Variants in GPC5 observed in about 807,000 individuals in gnomAD.
The protein encoded by GPC5 is glypican-5.
A neutral mutation model predicts 53.9 loss-of-function variants in GPC5; 47 were observed. The observed-to-expected ratio is 0.87, with a 90% CI of 0.69 to 1.11. The LOEUF is 1.11. Among genes scored for constraint, GPC5 ranks in the 50% most tolerant of loss-of-function variants. The pLI is 0.00. For missense variants in GPC5, 748 were observed against 713.1 expected (o/e 1.05, Z -0.56); for synonymous variants, 286 against 263.3 (o/e 1.09, Z -0.84).
intron 6 of GPC5, among the ~76,000 whole-genome samples, chr13:92,045,507 T>A (rs1331648103): frequency 6.6e-6 from 1 of 152,082 alleles, no homozygotes; most frequent in African/African-American, 2.4e-5. Flanking sequence ...AGAGGATGAT[T>A]TATCACACTG....
intron 2 of GPC5, among the ~76,000 whole-genome samples, chr13:91,576,206 A>G (rs893579656): frequency 6.6e-6 from 1 of 152,140 alleles, no homozygotes; most frequent in African/African-American, 2.4e-5. Context: ...AGCTATGACT[A>G]ATAGCAATGT....
chr13:92,143,954 A>G (rs945505854), intron 6 of GPC5, among the ~76,000 whole-genome samples: 1 of 152,176 alleles, frequency 6.6e-6, no homozygotes, highest in Non-Finnish European at 1.5e-5. Context: ...TTTTCATAAT[A>G]TACTAGTACC....
intron 1 of GPC5, among the ~76,000 whole-genome samples, chr13:91,442,751 T>A (rs1286098441): frequency 6.6e-6 from 1 of 151,346 alleles, no homozygotes; most frequent in Non-Finnish European, 1.5e-5. Flanking sequence ...TGGCAGGGAC[T>A]ATAGGAGGCA....
intron 2 of GPC5, among the ~76,000 whole-genome samples, chr13:91,611,082 G>A (rs914793506): frequency 4.6e-5 from 7 of 152,128 alleles, no homozygotes; most frequent in Admixed American, 1.3e-4. Flanking sequence ...TGTCAGATTA[G>A]TTAGAATGTT....
chr13:92,005,930 A>C (rs932931105), intron 6 of GPC5, among the ~76,000 whole-genome samples: 4 of 152,218 alleles, frequency 2.6e-5, no homozygotes, highest in Non-Finnish European at 5.9e-5. Flanking sequence ...AGCTAGGAGC[A>C]CTGTGTATTC....
intron 4 of GPC5, among the ~76,000 whole-genome samples, chr13:91,736,742 G>GA (rs1305635267): frequency 6.6e-6 from 1 of 151,078 alleles, no homozygotes. Context: ...AGTGTTAAAA[G>GA]AAAAAATTAC....
chr13:92,483,630 T>C (rs1232635583), intron 7 of GPC5, among the ~76,000 whole-genome samples: 1 of 151,512 alleles, frequency 6.6e-6, no homozygotes, highest in African/African-American at 2.4e-5. Context: ...AAATATTTCT[T>C]TTTCTTCAAT....
Position 91,562,532 on chromosome 13 carries a change from G to C in GPC5, c.325+113610G>C, listed in dbSNP as rs113992598. On this transcript the variant is annotated intron_variant, in intron 2 of 7. Coordinates refer to ENST00000377067, the MANE Select transcript of GPC5 (RefSeq NM_004466.6). ...AGGTTGGAGAGCAGTGAGGCTCACC[G>C]CAATCTCTGCGTCCCAGGTTTAAGT... 4.7e-3 allele frequency among the ~76,000 whole-genome samples: 714 copies of C among 151,824 alleles called. 4 individuals are homozygous for C. Among genetic ancestry groups the C allele is most frequent in the African/African-American group, 0.016 (681 of 41,392 alleles).
chr13:92,406,730 C>G (rs1310466043), intron 7 of GPC5, among the ~76,000 whole-genome samples: 2 of 152,148 alleles, frequency 1.3e-5, no homozygotes, highest in African/African-American at 2.4e-5. Context: ...AGACAAGTAT[C>G]TCAATAATTC....
chr13:91,983,747 G>A lies in GPC5; in HGVS notation c.1401+75690G>A, dbSNP rs181080574. ...GACATTTTCAAACTTATAAAGTCAT[G>A]TTACTACCTACTGTCCAGGGGTGAC... On this transcript the variant is annotated intron_variant, in intron 6 of 7. Coordinates refer to ENST00000377067, the MANE Select transcript of GPC5 (RefSeq NM_004466.6). 2.4e-3 allele frequency among the ~76,000 whole-genome samples: 370 copies of A among 152,266 alleles called. 3 individuals carry two copies. Among genetic ancestry groups the A allele is most frequent in the African/African-American group, 8.4e-3 (349 of 41,558 alleles).
At chr13:91,852,485 GTT>G (rs901668844) in intron 5 of GPC5, among the ~76,000 whole-genome samples, 2 of 147,590 alleles carry the variant, frequency 1.4e-5, no homozygotes. Context: ...TGGTTTACTT[GTT>G]TTTTTTTTCT....
At chr13:92,398,107 G>A (rs1875369809) in intron 7 of GPC5, among the ~76,000 whole-genome samples, 2 of 152,096 alleles carry the variant, frequency 1.3e-5, no homozygotes, top group South Asian at 4.1e-4. Flanking sequence ...GTGGCCTGAT[G>A]CAAGAATCAG....
chr13:92,357,689 G>T (rs372015769), intron 7 of GPC5, among the ~76,000 whole-genome samples: 1 of 151,566 alleles, frequency 6.6e-6, no homozygotes, highest in Non-Finnish European at 1.5e-5. Context: ...ATATCAGGGC[G>T]AAAGGCGAAG....
At chr13:91,597,472 C>G (rs893867311) in intron 2 of GPC5, among the ~76,000 whole-genome samples, 1 of 152,102 alleles carries the variant, frequency 6.6e-6, no homozygotes, top group Non-Finnish European at 1.5e-5. Context: ...CCTAGCATCA[C>G]TGGGTGTGCA....
chr13:92,064,756 C>CAAAAAAAAAAAAAAAAAAACA (rs1175120330), intron 6 of GPC5, among the ~76,000 whole-genome samples: 3 of 33,628 alleles, frequency 8.9e-5, no homozygotes, highest in Non-Finnish European at 1.7e-4. Flanking sequence ...GACTCCGTCT[C>CAAAAAAAAAAAAAAAAAAACA]AAAAAAAAAA....
chr13:91,989,182 G>T (rs1218605657), intron 6 of GPC5, among the ~76,000 whole-genome samples: 1 of 152,112 alleles, frequency 6.6e-6, no homozygotes, highest in African/African-American at 2.4e-5. Context: ...CTTCCAGGCA[G>T]TTTTATAAAG....
At chr13:92,694,794 G>T (rs570762955) in intron 7 of GPC5, among the ~76,000 whole-genome samples, 1 of 152,156 alleles carries the variant, frequency 6.6e-6, no homozygotes. Context: ...TTTGAAATGT[G>T]AAAATGACCT....
At chr13:92,123,664 G>T (rs1169625032) in intron 6 of GPC5, among the ~76,000 whole-genome samples, 1 of 152,178 alleles carries the variant, frequency 6.6e-6, no homozygotes, top group Non-Finnish European at 1.5e-5. Context: ...AGCTCCGTCA[G>T]ATTGTAAACA....
At chr13:91,803,781 G>GACAC (rs369314989) in intron 5 of GPC5, among the ~76,000 whole-genome samples, 153 of 147,628 alleles carry the variant, frequency 1.0e-3, no homozygotes, top group Middle Eastern at 3.5e-3. Context: ...CAGACAGACA[G>GACAC]ACACACACAC....
Sources: allele counts gnomAD v4.1 joint callset (sites outside exome capture counted in the v4.1 genomes callset), GRCh38; gene constraint gnomAD v4.1.1; transcripts MANE v1.5; gene names NCBI Gene and HGNC (gene_info 2026-07-23, HGNC 2026-07-21).